The following TNFSF4 variants were observed in gnomAD, a reference collection of about 807,000 sequenced individuals.
TNFSF4 encodes the protein TNF superfamily member 4, also known as tumor necrosis factor ligand superfamily member 4.
A neutral mutation model predicts 7.3 loss-of-function variants in TNFSF4; 4 were observed. That is an observed-to-expected ratio of 0.55 (90% CI 0.27 to 1.25). The LOEUF (loss-of-function observed/expected upper bound fraction) is 1.25. Among genes scored for constraint, TNFSF4 ranks in the 50% most tolerant of loss-of-function variants. TNFSF4 has a pLI of 0.12. For synonymous variants in TNFSF4, 76 were observed against 83.7 expected, an observed-to-expected ratio of 0.91 and a Z score of 0.50; for missense variants, 181 against 208.8, an observed-to-expected ratio of 0.87 and a Z score of 0.82.
At chr1:173,175,040 G>A in the TNFSF4 span, 10 of 152,028 alleles carry the variant, frequency 6.6e-5, no homozygotes, top group Non-Finnish European at 1.2e-4. Flanking sequence ...AGATCCTATC[G>A]GGCAGGGACT....
the TNFSF4 span, among the ~76,000 whole-genome samples, chr1:173,449,246 T>C: frequency 2.0e-5 from 3 of 152,326 alleles, no homozygotes; most frequent in South Asian, 4.1e-4. Flanking sequence ...CTGAAGCTGA[T>C]GCCAGAGCTG....
chr1:173,397,677 T>C, the TNFSF4 span, among the ~76,000 whole-genome samples: 1 of 152,198 alleles, frequency 6.6e-6, no homozygotes, highest in Non-Finnish European at 1.5e-5. Flanking sequence ...GTTCACTGAC[T>C]TGTGAAGTGA....
At chr1:173,237,440 G>A in the TNFSF4 span, among the ~76,000 whole-genome samples, 8 of 152,262 alleles carry the variant, frequency 5.3e-5, no homozygotes, top group African/African-American at 1.9e-4. Flanking sequence ...CAAAAGGCAT[G>A]CAAATAGGAA....
At chr1:173,414,737 A>G in the TNFSF4 span, among the ~76,000 whole-genome samples, 6 of 152,204 alleles carry the variant, frequency 3.9e-5, no homozygotes, top group Non-Finnish European at 7.3e-5. Flanking sequence ...GGAATAACCC[A>G]GATATATCCA....
the TNFSF4 span, among the ~76,000 whole-genome samples, chr1:173,343,190 G>A: frequency 1.3e-5 from 2 of 152,090 alleles, no homozygotes; most frequent in African/African-American, 4.8e-5. Flanking sequence ...CAAAAATAGG[G>A]GAGTAAATGA....
the TNFSF4 span, among the ~76,000 whole-genome samples, chr1:173,388,721 T>G: frequency 6.6e-6 from 1 of 152,260 alleles, no homozygotes; most frequent in South Asian, 2.1e-4. Context: ...CATAATTATT[T>G]TTCATGTAAA....
intron 1 of TNFSF4, among the ~76,000 whole-genome samples, chr1:173,199,152 G>T (rs1388995922): frequency 6.6e-6 from 1 of 152,168 alleles, no homozygotes; most frequent in Non-Finnish European, 1.5e-5. Context: ...TTCCTACTGG[G>T]TTGCAAACTC....
At chr1:173,438,190 T>C in the TNFSF4 span, among the ~76,000 whole-genome samples, 1 of 152,344 alleles carries the variant, frequency 6.6e-6, no homozygotes, top group East Asian at 1.9e-4. Flanking sequence ...CACCAAAGTC[T>C]ACCATGGGTT....
At chr1:173,310,098 T>C in the TNFSF4 span, among the ~76,000 whole-genome samples, 1 of 151,920 alleles carries the variant, frequency 6.6e-6, no homozygotes, top group Admixed American at 6.6e-5. Context: ...AATTTATTAA[T>C]CATAAAAACA....
At chr1:173,296,846 G>T in the TNFSF4 span, among the ~76,000 whole-genome samples, 4 of 151,966 alleles carry the variant, frequency 2.6e-5, no homozygotes, top group Non-Finnish European at 5.9e-5. Context: ...ATGGACAGAT[G>T]TAATGGAGAA....
chr1:173,447,815 A>G, the TNFSF4 span, among the ~76,000 whole-genome samples: 8 of 152,136 alleles, frequency 5.3e-5, no homozygotes, highest in Non-Finnish European at 1.0e-4. Flanking sequence ...TTATCTAAGC[A>G]CACCAATTAA....
chr1:173,439,182 T>A, the TNFSF4 span, among the ~76,000 whole-genome samples: 2 of 152,360 alleles, frequency 1.3e-5, no homozygotes, highest in South Asian at 4.1e-4. Context: ...CTTTCACTGA[T>A]GAAGACATTT....
chr1:173,323,110 G>A, the TNFSF4 span, among the ~76,000 whole-genome samples: 6 of 152,172 alleles, frequency 3.9e-5, no homozygotes, highest in South Asian at 2.1e-4. Flanking sequence ...CCTGACCCCC[G>A]AGTAGCCTAC....
chr1:173,176,355 C>A, the TNFSF4 span, among the ~76,000 whole-genome samples: 1 of 152,134 alleles, frequency 6.6e-6, no homozygotes, highest in South Asian at 2.1e-4. Context: ...GATACTCTAT[C>A]CCTCAGATGT....
the TNFSF4 span, chr1:173,362,836 GAA>G: frequency 6.8e-6 from 3 of 438,412 alleles, no homozygotes; most frequent in African/African-American, 6.2e-5. Context: ...AAGACAAGCT[GAA>G]CATTGGCTGC....
At chr1:173,282,214 GA>G in the TNFSF4 span, among the ~76,000 whole-genome samples, 1 of 152,090 alleles carries the variant, frequency 6.6e-6, no homozygotes, top group Admixed American at 6.6e-5. Flanking sequence ...CCCAAACAAA[GA>G]AACGATAAAT....
the TNFSF4 span, among the ~76,000 whole-genome samples, chr1:173,293,398 G>T: frequency 6.6e-6 from 1 of 151,986 alleles, no homozygotes; most frequent in South Asian, 2.1e-4. Flanking sequence ...AATGGTGCTG[G>T]GATTACTGGC....
intron 1 of TNFSF4, among the ~76,000 whole-genome samples, chr1:173,203,301 T>G (rs186575870): frequency 2.0e-5 from 3 of 152,302 alleles, no homozygotes; most frequent in African/African-American, 7.2e-5. Flanking sequence ...AATTCAATGA[T>G]TCTATATGTT....
chr1:173,327,938 CA>C, the TNFSF4 span, among the ~76,000 whole-genome samples: 1 of 152,162 alleles, frequency 6.6e-6, no homozygotes, highest in Non-Finnish European at 1.5e-5. Flanking sequence ...TTGTGGAAGT[CA>C]GTGTGGCGAT....
Sources: allele counts gnomAD v4.1 joint callset (sites outside exome capture counted in the v4.1 genomes callset), GRCh38; gene constraint gnomAD v4.1.1; transcripts MANE v1.5; gene names NCBI Gene and HGNC (gene_info 2026-07-23, HGNC 2026-07-21).